Variants in KDM3B observed in about 807,000 individuals in gnomAD.
The protein encoded by KDM3B is lysine-specific demethylase 3B.
In KDM3B, 10 loss-of-function variants were observed where a neutral mutation model predicts 170.0. The observed-to-expected ratio is 0.06, with a 90% CI of 0.04 to 0.10. The LOEUF (loss-of-function observed/expected upper bound fraction) is 0.10, where lower values mean the gene tolerates loss of function less well. Among genes scored for constraint, KDM3B ranks in the 10% least tolerant of loss-of-function variants. The pLI, the probability that KDM3B is intolerant of heterozygous loss-of-function variation, is 1.00. For missense variants in KDM3B, 1,394 were observed against 2,195.2 expected, an observed-to-expected ratio of 0.64 and a Z score of 7.29; for synonymous variants, 831 against 834.8, an observed-to-expected ratio of 1.00 and a Z score of 0.08.
chr5:138,360,991 C>G (rs866440966), intron 1 of KDM3B, among the ~76,000 whole-genome samples: 9 of 152,154 alleles, frequency 5.9e-5, no homozygotes. Flanking sequence ...TGGGTCTCTT[C>G]TCCAACTTGT....
chr5:138,388,083 AAAAAC>A (rs1413205310), intron 7 of KDM3B, among the ~76,000 whole-genome samples: 2 of 152,142 alleles, frequency 1.3e-5, no homozygotes, highest in African/African-American at 2.4e-5. Context: ...TATGTCTCAA[AAAAAC>A]AAAACAAAAC....
chr5:138,369,071 AC>A (rs1488313249), intron 1 of KDM3B, among the ~76,000 whole-genome samples: 1 of 152,290 alleles, frequency 6.6e-6, no homozygotes, highest in East Asian at 1.9e-4. Flanking sequence ...GCAGTTTAGA[AC>A]TATACATCAT....
chr5:138,435,497 T>A (rs1763650154), intron 23 of KDM3B, 123 bp from the exon 24 acceptor site: 1 of 684,066 alleles, frequency 1.5e-6, no homozygotes, highest in Non-Finnish European at 2.6e-6. Flanking sequence ...CTGTGGGGAT[T>A]GATACAGGAA....
intron 6 of KDM3B, among the ~76,000 whole-genome samples, chr5:138,383,950 CA>C (rs1176479312): frequency 2.1e-5 from 3 of 139,672 alleles, no homozygotes; most frequent in Non-Finnish European, 3.1e-5. Context: ...AACTCCGTCT[CA>C]AAAAAAAAGA....
intron 13 of KDM3B, chr5:138,417,908 A>G (rs1056143620): frequency 1.7e-5 from 4 of 230,208 alleles, no homozygotes; most frequent in African/African-American, 6.7e-5. Flanking sequence ...AGAATATAGA[A>G]AAGGTTGCTA....
intron 1 of KDM3B, among the ~76,000 whole-genome samples, chr5:138,361,036 C>T (rs1386511852): frequency 6.6e-6 from 1 of 152,152 alleles, no homozygotes; most frequent in African/African-American, 2.4e-5. Flanking sequence ...CACCAGCAGA[C>T]TCAAAATGGT....
At chr5:138,389,778 C>CTGTGTGTG (rs780753775) in intron 7 of KDM3B, among the ~76,000 whole-genome samples, 205 of 120,150 alleles carry the variant, frequency 1.7e-3, no homozygotes, top group South Asian at 3.8e-3. Flanking sequence ...CTCTCTCTCT[C>CTGTGTGTG]TCTCTGTGTG....
At chr5:138,371,542 A>G (rs756899299) in intron 1 of KDM3B, among the ~76,000 whole-genome samples, 2 of 152,114 alleles carry the variant, frequency 1.3e-5, no homozygotes, top group African/African-American at 4.8e-5. Flanking sequence ...TCAGAGCTGT[A>G]TAAATACAGT....
chr5:138,382,673 A>T lies in KDM3B; in HGVS notation c.780+1083A>T, dbSNP rs562341899. Among the ~76,000 whole-genome samples the T allele has an allele frequency of 5.8e-4, 86 of 148,050 alleles. 2 individuals carry two copies. The East Asian group carries it at 7.9e-3, about 14-fold the overall frequency. On this transcript the variant is annotated intron_variant, in intron 6 of 23. Coordinates refer to ENST00000314358, the MANE Select transcript of KDM3B (RefSeq NM_016604.4). ...AGATCAGAATAGGAAAAGAAAAAAA[A>T]TTTTTTTTTTTTGAGGCAGGGTCTC...
chr5:138,419,007 G>A lies in KDM3B; in HGVS notation c.3490G>A (p.Gly1164Arg), dbSNP rs564568034. 1.7e-5 allele frequency: 28 copies of A among 1,613,866 alleles called. No individual in the cohort carries two copies. The highest frequency in any genetic ancestry group is 1.6e-4 in the South Asian group (15 of 91,080). The change falls in exon 14 of 24, where the codon GGA becomes AGA. Residue 1164 changes from glycine (G) to arginine (R), a missense_variant. By Grantham distance (125) the Gly-to-Arg change is moderately radical (BLOSUM62 -2). Transcript: ENST00000314358. Reference sequence around the variant, plus strand: ...TGGAAACGAAACTACCTTCTCTGGTGGAGGAGGACCGGCACCAGTAACAAC... The same window carrying A: ...TGGAAACGAAACTACCTTCTCTGGTAGAGGAGGACCGGCACCAGTAACAAC... ...SSGNETTFSG[G>R]GGPAPVTTPE... is the part of the protein sequence containing the mutation.
intron 23 of KDM3B, among the ~76,000 whole-genome samples, chr5:138,432,626 G>A (rs902668594): frequency 6.6e-6 from 1 of 151,974 alleles, no homozygotes; most frequent in Non-Finnish European, 1.5e-5. Context: ...CTGAGATCAC[G>A]TCACTGCACT....
At chr5:138,422,946 T>C (rs1458921044) in intron 15 of KDM3B, among the ~76,000 whole-genome samples, 1 of 152,194 alleles carries the variant, frequency 6.6e-6, no homozygotes, top group African/African-American at 2.4e-5. Context: ...TTTGGATAAG[T>C]AACTTTTTTT....
chr5:138,428,401 G>A (rs1763449180), intron 20 of KDM3B, among the ~76,000 whole-genome samples: 1 of 152,148 alleles, frequency 6.6e-6, no homozygotes, highest in African/African-American at 2.4e-5. Context: ...TAGTAGAGAC[G>A]GGTTTCGCCA....
chr5:138,372,503 A>T (rs1761899644), intron 1 of KDM3B, among the ~76,000 whole-genome samples, 171 bp from the exon 2 acceptor site: 1 of 152,240 alleles, frequency 6.6e-6, no homozygotes, highest in Admixed American at 6.5e-5. Flanking sequence ...GGCTGAGACC[A>T]GCTTCCTGGC....
At chr5:138,420,642 G>C (rs1763248936) in intron 14 of KDM3B, 64 bp from the exon 15 acceptor site, 7 of 1,543,802 alleles carry the variant, frequency 4.5e-6, no homozygotes, top group Non-Finnish European at 5.3e-6. Context: ...TGATTTTTAG[G>C]AGTCAGTTGT....
intron 15 of KDM3B, among the ~76,000 whole-genome samples, chr5:138,422,534 G>A (rs1319134357): frequency 6.6e-6 from 1 of 152,118 alleles, no homozygotes; most frequent in Non-Finnish European, 1.5e-5. Context: ...CAGCTACTCG[G>A]GAGGTTGAGG....
chr5:138,353,112 T>G, intron 1 of KDM3B, 125 bp downstream of exon 1: 10 of 807,964 alleles, frequency 1.2e-5, no homozygotes, highest in Non-Finnish European at 1.6e-5. Context: ...CGGGTCTCCT[T>G]AGCGCCCCCC....
chr5:138,370,552 T>C (rs11746353), intron 1 of KDM3B, among the ~76,000 whole-genome samples: 19,332 of 152,264 alleles, frequency 0.13, 1,670 homozygotes, highest in South Asian at 0.25. Flanking sequence ...TTTTCCACTG[T>C]GGTAAAATAC....
intron 5 of KDM3B, among the ~76,000 whole-genome samples, chr5:138,380,642 A>ATACAT: frequency 6.6e-6 from 1 of 152,266 alleles, no homozygotes; most frequent in African/African-American, 2.4e-5. Context: ...TATTTATTGG[A>ATACAT]ATAAATTTAT....
Sources: allele counts gnomAD v4.1 joint callset (sites outside exome capture counted in the v4.1 genomes callset), GRCh38; gene constraint gnomAD v4.1.1; transcripts MANE v1.5; gene names NCBI Gene and HGNC (gene_info 2026-07-23, HGNC 2026-07-21).